Variants in ZNF557 observed in about 807,000 individuals in gnomAD.
The protein encoded by ZNF557 is zinc finger protein 557.
Under a neutral mutation model 21.2 loss-of-function variants are expected in ZNF557, and 19 were observed. The ratio of observed to expected loss-of-function variants is 0.90; its 90% CI spans 0.63 to 1.32. The LOEUF (loss-of-function observed/expected upper bound fraction) is 1.32, where lower values mean the gene tolerates loss of function less well. ZNF557 is among the 40% of genes most tolerant of loss of function. The probability of loss-of-function intolerance (pLI) is 0.00; values close to 1 mark genes in which losing one functional copy is unlikely to be tolerated. For missense variants in ZNF557, 487 were observed against 519.8 expected (o/e 0.94, Z 0.61); for synonymous variants, 207 against 194.8 (o/e 1.06, Z -0.52).
At chr19:7,075,570 A>G in intron 3 of ZNF557, 85 bp from the exon 4 acceptor site, 1 of 1,377,222 alleles carries the variant, frequency 7.3e-7, no homozygotes, top group Non-Finnish European at 1.0e-6. Flanking sequence ...GACCTGGTCG[A>G]TCGCAGGCAG....
intron 1 of ZNF557, among the ~76,000 whole-genome samples, chr19:7,070,193 C>T (rs1278041714): frequency 6.6e-6 from 1 of 152,224 alleles, no homozygotes; most frequent in African/African-American, 2.4e-5. Context: ...ATTAAAATCT[C>T]TGCAGTCCTG....
At chr19:7,082,749 C>A in intron 7 of ZNF557, 129 bp from the exon 8 acceptor site, 1 of 893,608 alleles carries the variant, frequency 1.1e-6, no homozygotes, top group Non-Finnish European at 1.6e-6. Context: ...TACCAGCACT[C>A]ATGATGGCAA....
At position 7,083,930 on chromosome 19, in the gene ZNF557, C is replaced by T; in HGVS notation, c.*186C>T. On this transcript the variant is annotated 3_prime_UTR_variant, in exon 8 of 8. Coordinates refer to ENST00000252840, the MANE Select transcript of ZNF557 (RefSeq NM_024341.3). ...GGTCAGGAATTCAGAAACAACATAG[C>T]TCTATAGTTCTTCAGGATATCTCAA... is the stretch of plus-strand genomic sequence containing the variant. 3.3e-6 allele frequency: 2 copies of T among 609,710 alleles called. No individual in the cohort carries two copies. The highest frequency in any genetic ancestry group is 5.7e-6 in the Non-Finnish European group (2 of 351,702). The allele number at this position is 609,710 out of a possible 1,614,324, so 37.8% of individuals were successfully genotyped here. A position where few individuals can be genotyped will look rare whatever the true frequency, so the allele number is the denominator to read the frequency against.
rs907317167 is a variant in ZNF557, at chr19:7,074,991, TC to T, written c.-79-3del. Reference sequence around the variant, plus strand: ...GAGGCAGAGTGTTCCCCCCATTTCTTCCAGGGTGCTGTCCTGAGAGCGCTGC... The same window carrying T: ...GAGGCAGAGTGTTCCCCCCATTTCTTCAGGGTGCTGTCCTGAGAGCGCTGC... On this transcript the variant is annotated splice_polypyrimidine_tract_variant and splice_region_variant and intron_variant, in intron 2 of 7. Transcript: ENST00000252840. 1.2e-6 allele frequency: 2 copies of T among 1,608,738 alleles called. No homozygotes were observed. Among genetic ancestry groups the T allele is most frequent in the African/African-American group, 2.7e-5 (2 of 74,820 alleles).
At position 7,079,305 on chromosome 19, in the gene ZNF557, A is replaced by G. The variant is rs544734454; in HGVS notation, c.248-2055A>G. ...CACCCAGGCTGGAGTGCAGTGGTGCAATCTTGGCTAACTGCAAGCTCTGCC... is the reference window on the plus strand; with the variant it reads ...CACCCAGGCTGGAGTGCAGTGGTGCGATCTTGGCTAACTGCAAGCTCTGCC... On this transcript the variant is annotated intron_variant, in intron 5 of 7. Transcript: ENST00000252840. 2.5e-4 allele frequency among the ~76,000 whole-genome samples: 35 copies of G among 140,330 alleles called. No individual in the cohort carries two copies. The South Asian group carries it at 5.2e-3, about 21-fold the overall frequency. The allele number at this position is 140,330 out of a possible 152,430, so 92.1% of individuals were successfully genotyped here.
Position 7,075,104 on chromosome 19 carries a change from C to A in ZNF557, c.30C>A (p.Ala10=). The A allele has an allele frequency of 1.1e-5, 17 of 1,614,052 alleles. No individual in the cohort carries two copies. The highest frequency in any genetic ancestry group is 1.4e-5 in the Non-Finnish European group (17 of 1,179,994). ...CGGCTGTCGTCCTGCCCCCAACTGC[C>A]GGTGAGTCATGGGGTCCTGGCAGTT... The part of the protein sequence containing the change: MAAVVLPPT[A]ALSSLFPASQ... The change falls in exon 3 of 8, where the codon GCC becomes GCA. Residue 10 remains alanine, a splice_region_variant and synonymous_variant. Coordinates refer to ENST00000252840, the MANE Select transcript of ZNF557 (RefSeq NM_024341.3).
rs1977820635 is a variant in ZNF557, at chr19:7,085,605, TGA to T, written c.*1866_*1867del. ...TTTCAGTGATTCCTCCCTTTATGCA[TGA>T]GAGAATTCATTTAGAGGAAGCCCTA... On this transcript the variant is annotated 3_prime_UTR_variant, in exon 8 of 8. Coordinates refer to ENST00000252840, the MANE Select transcript of ZNF557 (RefSeq NM_024341.3). 6.6e-6 allele frequency: 1 copy of T among 152,194 alleles called. No homozygotes were observed. The highest frequency in any genetic ancestry group is 6.6e-5 in the Admixed American group (1 of 15,262). The allele number at this position is 152,194 out of a possible 1,614,324, so 9.4% of individuals were successfully genotyped here. A position where few individuals can be genotyped will look rare whatever the true frequency, so the allele number is the denominator to read the frequency against.
At chr19:7,075,212 C>T (rs1275913468) in intron 3 of ZNF557, 107 bp downstream of exon 3, 4 of 1,495,046 alleles carry the variant, frequency 2.7e-6, no homozygotes, top group Non-Finnish European at 3.7e-6. Context: ...AGGAGTGGAG[C>T]CCCAGGGGCC....
intron 7 of ZNF557, 75 bp from the exon 8 acceptor site, chr19:7,082,803 A>T: frequency 7.0e-7 from 1 of 1,435,356 alleles, no homozygotes; most frequent in Non-Finnish European, 9.4e-7. Flanking sequence ...AATTCCTGGG[A>T]GAGGAAATTC....
rs1977772691 is a variant in ZNF557 at position 7,083,686 on chromosome 19, C to G, written c.1235C>G (p.Ser412Cys). 6.2e-7 allele frequency: 1 copy of G among 1,613,932 alleles called. No individual in the cohort carries two copies. The highest frequency in any genetic ancestry group is 8.5e-7 in the Non-Finnish European group (1 of 1,179,928). Residue 412 changes from serine to cysteine, a missense_variant, in exon 8 of 8, where the codon TCC (serine) becomes TGC (cysteine). Coordinates refer to ENST00000252840, the MANE Select transcript of ZNF557 (RefSeq NM_024341.3). ...TATGAATGTAATTATTGCGGGAAAT[C>G]CTTCACAAGTAACTCCTACCTTTCT... Reference protein sequence around the residue: ...KPYECNYCGKSFTSNSYLSVH... With the variant: ...KPYECNYCGKCFTSNSYLSVH...
intron 5 of ZNF557, among the ~76,000 whole-genome samples, chr19:7,080,469 C>T (rs1361496974): frequency 6.6e-6 from 1 of 152,156 alleles, no homozygotes; most frequent in Non-Finnish European, 1.5e-5. Context: ...ACACTTCCCT[C>T]TCCACCCTCC....
At chr19:7,074,188 A>G (rs1977522595) in intron 2 of ZNF557, among the ~76,000 whole-genome samples, 1 of 151,574 alleles carries the variant, frequency 6.6e-6, no homozygotes, top group Non-Finnish European at 1.5e-5. Context: ...TTATTTTTTT[A>G]GTAGAGATGG....
chr19:7,071,696 T>A lies in ZNF557; in HGVS notation c.-80+1043T>A, dbSNP rs990862887. 2.1e-5 allele frequency among the ~76,000 whole-genome samples: 3 copies of A among 140,698 alleles called. No individual in the cohort carries two copies. In the Admixed American group the frequency reaches 2.2e-4, roughly 10 times the overall value. 92.3% of individuals were successfully genotyped at this position (140,698 alleles called of 152,430 possible). A position where few individuals can be genotyped will look rare whatever the true frequency, so the allele number is the denominator to read the frequency against. ...CCGTCTGTACTAAAAATATATAAAT[T>A]AGCTGGGTGTGGTGACTCTCTTGAG... On this transcript the variant is annotated intron_variant, in intron 2 of 7. Transcript: ENST00000252840.
rs749340507 is a variant in ZNF557, at chr19:7,081,353, T to C, written c.248-7T>C. 1.2e-6 allele frequency: 2 copies of C among 1,607,512 alleles called. No homozygotes were observed. The highest frequency in any genetic ancestry group is 1.7e-6 in the Non-Finnish European group (2 of 1,174,184). On this transcript the variant is annotated splice_polypyrimidine_tract_variant and splice_region_variant and intron_variant, in intron 5 of 7. Coordinates refer to ENST00000252840, the MANE Select transcript of ZNF557 (RefSeq NM_024341.3). ...CCCTACATCATGTGTCTTTTCTCCA[T>C]GTACAGGGAACCAAGTTGATAAACC...
chr19:7,075,162 C>A, intron 3 of ZNF557, 57 bp downstream of exon 3: 1 of 1,611,458 alleles, frequency 6.2e-7, no homozygotes, highest in Non-Finnish European at 8.5e-7. Context: ...TCCTGACCCA[C>A]AGCATGGGAT....
chr19:7,087,217 T>TC lies in ZNF557; in HGVS notation c.*3473_*3474insC, dbSNP rs1977877185. 1 of 94,496 alleles carries TC rather than the reference T, an allele frequency of 1.1e-5. No individual in the cohort carries two copies. The highest frequency in any genetic ancestry group is 2.2e-5 in the Non-Finnish European group (1 of 44,894). The allele number at this position is 94,496 out of a possible 1,614,324, so 5.9% of individuals were successfully genotyped here. ...GTTAAAAGAGCTTTTTTTTTTTTTT[T>TC]TTTTTTTTTCTTCACTGTGGTGATA... is the stretch of plus-strand genomic sequence containing the variant. On this transcript the variant is annotated 3_prime_UTR_variant, in exon 8 of 8. Transcript: ENST00000252840.
chr19:7,083,168 T>A lies in ZNF557; in HGVS notation c.717T>A (p.Ser239Arg). ...ATGGGGAGAAACCCTACGAATGCAG[T>A]GACTGTGGGAAAACCTTCAGCAATT... ...IHNGEKPYEC[S>R]DCGKTFSNSS... Residue 239 changes from serine to arginine, a missense_variant, in exon 8 of 8, where the codon AGT becomes AGA. Ser to Arg is a moderately radical substitution (Grantham distance 110). Transcript: ENST00000252840. 6.2e-7 allele frequency: 1 copy of A among 1,614,208 alleles called. No homozygotes were observed. The highest frequency in any genetic ancestry group is 8.5e-7 in the Non-Finnish European group (1 of 1,180,040).
chr19:7,070,456 T>C (rs935453659), intron 1 of ZNF557, 106 bp from the exon 2 acceptor site: 1 of 152,224 alleles, frequency 6.6e-6, no homozygotes, highest in Non-Finnish European at 1.5e-5. Context: ...TGGGGTGGTC[T>C]TTCTATGCAA....
intron 2 of ZNF557, among the ~76,000 whole-genome samples, chr19:7,074,144 G>A (rs1977521213): frequency 6.6e-6 from 1 of 151,896 alleles, no homozygotes; most frequent in African/African-American, 2.4e-5. Flanking sequence ...GGGATTCCAG[G>A]TGTGTGCCAT....
Sources: gnomAD v4.1 joint callset for allele counts (sites outside exome capture counted in the v4.1 genomes callset) on GRCh38, gnomAD v4.1.1 for gene constraint, MANE v1.5 for transcripts, NCBI Gene and HGNC (gene_info 2026-07-23, HGNC 2026-07-21) for gene names.